Variants in KNDC1 observed in about 807,000 individuals in gnomAD.
KNDC1 encodes the protein kinase non-catalytic C-lobe domain containing 1.
Under a neutral mutation model 172.8 loss-of-function variants are expected in KNDC1, and 106 were observed. The observed-to-expected ratio is 0.61, with a 90% CI of 0.52 to 0.72. KNDC1 has a LOEUF of 0.72. Ranked by LOEUF, KNDC1 falls within the 30% of genes least tolerant of loss-of-function variation. The pLI, the probability that KNDC1 is intolerant of heterozygous loss-of-function variation, is 0.00. For missense variants in KNDC1, 2,325 were observed against 2,394.5 expected (o/e 0.97, Z 0.61); for synonymous variants, 1,083 against 1,062.2 (o/e 1.02, Z -0.38).
Position 133,186,641 on chromosome 10 carries a change from A to T in KNDC1, c.1293A>T (p.Gly431=). 5 of 1,592,942 alleles carry T rather than the reference A, an allele frequency of 3.1e-6. No individual in the cohort carries two copies. The highest frequency in any genetic ancestry group is 4.2e-6 in the Non-Finnish European group (5 of 1,177,660). The part of the protein sequence containing the change: ...TPRDDERIPE[G]ARQLESAAAE... ...GGGACGATGAGAGAATTCCAGAAGG[A>T]GCTAGGCAGCTGGAAAGTGCAGCCG... The change falls in exon 6 of 30, where the codon GGA becomes GGT. Residue 431 remains glycine, a synonymous_variant. Transcript: ENST00000304613.
rs1486558428 is a variant in KNDC1, at chr10:133,209,704, A to G, written c.3795-907A>G. Among the ~76,000 whole-genome samples the G allele has an allele frequency of 1.3e-5, 2 of 151,878 alleles. No homozygotes were observed. On this transcript the variant is annotated intron_variant, in intron 20 of 29. Coordinates refer to ENST00000304613, the MANE Select transcript of KNDC1 (RefSeq NM_152643.8). The surrounding 1 kb of genome is among the most constrained non-coding windows in gnomAD (Gnocchi z 4.9). Reference sequence around the variant, plus strand: ...CACGAGGGGCTTCCCCGCTCTGTGGACCTGGTGGGCGTCACCTTTGCAGGG... The same window carrying G: ...CACGAGGGGCTTCCCCGCTCTGTGGGCCTGGTGGGCGTCACCTTTGCAGGG...
At chr10:133,172,313 T>G (rs1485606894) in intron 3 of KNDC1, among the ~76,000 whole-genome samples, 1 of 152,266 alleles carries the variant, frequency 6.6e-6, no homozygotes, top group African/African-American at 2.4e-5. Flanking sequence ...AAGATGTTTC[T>G]TCTGCATCCT....
intron 15 of KNDC1, 24 bp downstream of exon 15, chr10:133,199,626 A>G: frequency 6.2e-7 from 1 of 1,609,540 alleles, no homozygotes. Flanking sequence ...TCGGCCCTGC[A>G]TTCCCGCCCC....
intron 9 of KNDC1, among the ~76,000 whole-genome samples, chr10:133,194,307 G>A (rs1270816116): frequency 6.6e-6 from 1 of 152,198 alleles, no homozygotes; most frequent in African/African-American, 2.4e-5. Flanking sequence ...TACTCTATGT[G>A]TCAAAGAGAA....
At chr10:133,206,649 G>A in intron 17 of KNDC1, 36 bp from the exon 18 acceptor site, 2 of 1,579,338 alleles carry the variant, frequency 1.3e-6, no homozygotes, top group Non-Finnish European at 1.7e-6. Context: ...GTGTGTTGGG[G>A]CTGCCTGGGG....
intron 9 of KNDC1, 72 bp downstream of exon 9, chr10:133,189,885 C>A: frequency 7.9e-7 from 1 of 1,264,056 alleles, no homozygotes; most frequent in Non-Finnish European, 1.1e-6. Context: ...CCCATCTGTC[C>A]AGCAGCCCCC....
chr10:133,198,603 G>C lies in KNDC1; in HGVS notation c.2095G>C (p.Glu699Gln), dbSNP rs1229700691. The change falls in exon 14 of 30, where the codon GAG becomes CAG. Residue 699 changes from glutamate to glutamine, a missense_variant. Physicochemically the swap from Glu to Gln is conservative, Grantham distance 29. Transcript: ENST00000304613. Reference sequence around the variant, plus strand: ...GGACCAGCCTGCCTTGGCCCAGGAGGAGTCCGAGGAGAGGGGCGGCCAGAG... The same window carrying C: ...GGACCAGCCTGCCTTGGCCCAGGAGCAGTCCGAGGAGAGGGGCGGCCAGAG... ...ARDQPALAQE[E>Q]SEERGGQREG... 6 of 1,597,916 alleles carry C rather than the reference G, an allele frequency of 3.8e-6. No homozygotes were observed. The highest frequency in any genetic ancestry group is 1.1e-5 in the South Asian group (1 of 88,572).
chr10:133,174,468 C>T (rs1200434824), intron 3 of KNDC1, among the ~76,000 whole-genome samples: 1 of 152,158 alleles, frequency 6.6e-6, no homozygotes, highest in African/African-American at 2.4e-5. Context: ...GCTGATACCA[C>T]CGGGTGTGTA....
intron 25 of KNDC1, 114 bp from the exon 26 acceptor site, chr10:133,213,858 C>G (rs527598485): frequency 1.4e-6 from 2 of 1,460,870 alleles, no homozygotes; most frequent in South Asian, 1.2e-5. Context: ...TGGTGTCTGC[C>G]AGTTGGAGCG....
At chr10:133,199,408 T>G in intron 14 of KNDC1, 50 bp from the exon 15 acceptor site, 1 of 1,598,348 alleles carries the variant, frequency 6.3e-7, no homozygotes. Flanking sequence ...GGGAACCAGA[T>G]GAGCAGCCCT....
At chr10:133,164,227 G>A (rs1853073932) in intron 1 of KNDC1, 1 of 152,458 alleles carries the variant, frequency 6.6e-6, no homozygotes, top group South Asian at 2.1e-4. Context: ...CCTACCCCAT[G>A]GCTCACCCAG....
At chr10:133,218,238 C>T (rs1032045894) in intron 26 of KNDC1, among the ~76,000 whole-genome samples, 14 of 152,320 alleles carry the variant, frequency 9.2e-5, no homozygotes, top group Admixed American at 2.6e-4. Flanking sequence ...GATCCAGGAA[C>T]GCAGCCCTTT....
At chr10:133,204,920 G>A (rs925848445) in intron 17 of KNDC1, among the ~76,000 whole-genome samples, 14 of 151,288 alleles carry the variant, frequency 9.3e-5, no homozygotes, top group South Asian at 4.2e-4. Flanking sequence ...CCCCTGCCCC[G>A]TGGCACCTCA....
At chr10:133,218,671 G>A (rs1482303961) in intron 26 of KNDC1, among the ~76,000 whole-genome samples, 160 bp from the exon 27 acceptor site, 4 of 152,198 alleles carry the variant, frequency 2.6e-5, no homozygotes, top group African/African-American at 9.7e-5. Flanking sequence ...CCCCTCCACG[G>A]CCACCGCTCA....
intron 3 of KNDC1, among the ~76,000 whole-genome samples, chr10:133,175,673 G>T (rs1428749847): frequency 3.3e-5 from 5 of 151,558 alleles, no homozygotes; most frequent in African/African-American, 9.7e-5. Context: ...GTGGAGGATG[G>T]GTAGGTGGGT....
chr10:133,188,163 C>T (rs1281650548), intron 6 of KNDC1, among the ~76,000 whole-genome samples: 2 of 152,190 alleles, frequency 1.3e-5, no homozygotes, highest in African/African-American at 2.4e-5. Flanking sequence ...TTGGCTATTT[C>T]GAGCCGTGCT....
At chr10:133,196,763 G>A (rs978684742) in intron 10 of KNDC1, among the ~76,000 whole-genome samples, 2 of 152,212 alleles carry the variant, frequency 1.3e-5, no homozygotes, top group African/African-American at 4.8e-5. Context: ...GGGCTCAGGC[G>A]AACGTGACCA....
Position 133,160,348 on chromosome 10 carries a change from CGGCGGGCGGGCGGG to C in KNDC1, c.-111_-98del, listed in dbSNP as rs1301090359. ...GCGTCCCCTGGAGACACTGCGGCAG[CGGCGGGCGGGCGGG>C]GGCGGGCGAGGGCCGGGCGCGTCTC... On this transcript the variant is annotated 5_prime_UTR_variant, in exon 1 of 30. Coordinates refer to ENST00000304613, the MANE Select transcript of KNDC1 (RefSeq NM_152643.8). The C allele has an allele frequency of 2.2e-3, 737 of 336,374 alleles. 3 individuals carry two copies. The highest frequency in any genetic ancestry group is 3.1e-3 in the Non-Finnish European group (651 of 213,216). The allele number at this position is 336,374 out of a possible 1,614,324, so 20.8% of individuals were successfully genotyped here.
At position 133,160,426 on chromosome 10, in the gene KNDC1, C is replaced by G. The variant is rs558575836; in HGVS notation, c.-42C>G. ...CGCGCGTAGCCGAGCCCAGCCCAGC[C>G]CAGCCGGAGGCCCCGGGGGCGGTGC... On this transcript the variant is annotated 5_prime_UTR_variant, in exon 1 of 30. Transcript: ENST00000304613. 4.4e-6 allele frequency: 6 copies of G among 1,368,746 alleles called. No individual in the cohort carries two copies. The highest frequency in any genetic ancestry group is 5.8e-6 in the Non-Finnish European group (6 of 1,030,226). 84.8% of individuals were successfully genotyped at this position (1,368,746 alleles called of 1,614,324 possible).
Sources: gnomAD v4.1 joint callset for allele counts (sites outside exome capture counted in the v4.1 genomes callset) on GRCh38, gnomAD v4.1.1 for gene constraint, Gnocchi (gnomAD v3.1) non-coding constraint, MANE v1.5 for transcripts, NCBI Gene and HGNC (gene_info 2026-07-23, HGNC 2026-07-21) for gene names.